TOM1L2: variants seen among roughly 807,000 people sequenced by gnomAD.
The protein encoded by TOM1L2 is TOM1-like protein 2.
TOM1L2 carries 31 observed loss-of-function variants against 67.9 expected under a neutral mutation model. The ratio of observed to expected loss-of-function variants is 0.46; its 90% CI spans 0.34 to 0.62. TOM1L2 has a LOEUF of 0.62. TOM1L2 is among the 20% of genes least tolerant of loss of function. TOM1L2 has a pLI of 0.01. For synonymous variants in TOM1L2, 256 were observed against 254.0 expected, an observed-to-expected ratio of 1.01 and a Z score of -0.07; for missense variants, 606 against 663.5, an observed-to-expected ratio of 0.91 and a Z score of 0.95.
intron 1 of TOM1L2, among the ~76,000 whole-genome samples, chr17:17,912,267 G>A: frequency 6.6e-6 from 1 of 151,972 alleles, no homozygotes; most frequent in Non-Finnish European, 1.5e-5. Context: ...GGACGGGGCG[G>A]CTGGCCGGGC....
intron 2 of TOM1L2, among the ~76,000 whole-genome samples, chr17:17,904,757 C>T (rs4925132): frequency 1.3e-5 from 2 of 152,188 alleles, no homozygotes; most frequent in Admixed American, 1.3e-4. Context: ...GTCACCCTGT[C>T]TATCCTAGAC....
intron 1 of TOM1L2, among the ~76,000 whole-genome samples, chr17:17,971,407 C>T (rs1466009304): frequency 6.6e-6 from 1 of 152,122 alleles, no homozygotes; most frequent in African/African-American, 2.4e-5. Flanking sequence ...AACACAGCCT[C>T]CCTTCTTTCC....
chr17:17,879,364 CTTT>C (rs2037594791), intron 7 of TOM1L2, among the ~76,000 whole-genome samples: 1 of 152,128 alleles, frequency 6.6e-6, no homozygotes, highest in African/African-American at 2.4e-5. Flanking sequence ...CTTTCTTTTT[CTTT>C]CTGTGAGCAT....
Position 17,884,691 on chromosome 17 carries a change from C to A in TOM1L2, c.444G>T (p.Gly148=), listed in dbSNP as rs781173638. 6 of 1,614,062 alleles carry A rather than the reference C, an allele frequency of 3.7e-6. No homozygotes were observed. In the Admixed American group the frequency reaches 1.0e-4, roughly 27 times the overall value. Residue 148 remains glycine (G), a synonymous_variant, in exon 5 of 15, where the codon GGG becomes GGT. Coordinates refer to ENST00000379504, the MANE Select transcript of TOM1L2 (RefSeq NM_001082968.2). ...CCAAGTCTGCCATGGGAAATTCAAC[C>A]CCTTTCCTCTTCAGCTCCTCATATA... ...VHIYEELKRK[G]VEFPMADLDA...
chr17:17,954,856 C>A (rs2041362661), intron 1 of TOM1L2, among the ~76,000 whole-genome samples: 1 of 152,146 alleles, frequency 6.6e-6, no homozygotes, highest in Admixed American at 6.5e-5. Context: ...ATTATGAAAA[C>A]AAACAAAAAA....
intron 1 of TOM1L2, among the ~76,000 whole-genome samples, chr17:17,920,038 C>T (rs2039792079): frequency 6.6e-6 from 1 of 152,056 alleles, no homozygotes; most frequent in African/African-American, 2.4e-5. Context: ...GTCACAGAGG[C>T]AAAGAAGACC....
chr17:17,900,257 T>C (rs369606512), intron 2 of TOM1L2, among the ~76,000 whole-genome samples: 1 of 150,432 alleles, frequency 6.6e-6, no homozygotes, highest in African/African-American at 2.5e-5. Flanking sequence ...TTATGGCTCA[T>C]TCCTGTAATC....
intron 1 of TOM1L2, among the ~76,000 whole-genome samples, chr17:17,938,536 A>T (rs1231916321): frequency 6.6e-6 from 1 of 152,158 alleles, no homozygotes; most frequent in Non-Finnish European, 1.5e-5. Flanking sequence ...CCACTAGAGA[A>T]TGGAGTGACG....
chr17:17,966,013 TGG>T (rs1193712516), intron 1 of TOM1L2, among the ~76,000 whole-genome samples: 8 of 152,082 alleles, frequency 5.3e-5, no homozygotes, highest in African/African-American at 1.9e-4. Flanking sequence ...CCCAGCTACT[TGG>T]GAGGCTGAGA....
chr17:17,916,183 C>T (rs1481992234), intron 1 of TOM1L2, among the ~76,000 whole-genome samples: 3 of 151,724 alleles, frequency 2.0e-5, no homozygotes, highest in African/African-American at 7.3e-5. Context: ...ACGCCCTTCT[C>T]CTGCCTCAGC....
At chr17:17,970,730 G>A (rs1016511718) in intron 1 of TOM1L2, among the ~76,000 whole-genome samples, 2 of 152,158 alleles carry the variant, frequency 1.3e-5, no homozygotes, top group Non-Finnish European at 2.9e-5. Flanking sequence ...TAGCCAACAG[G>A]AGAGACCTCA....
chr17:17,972,232 CCCAGCCT>C, intron 1 of TOM1L2, 23 bp downstream of exon 1: 2 of 1,548,804 alleles, frequency 1.3e-6, no homozygotes, highest in Non-Finnish European at 1.7e-6. Flanking sequence ...GCCGCCGTTG[CCCAGCCT>C]CCTGCCCCAC....
chr17:17,968,619 C>A (rs1322527759), intron 1 of TOM1L2, among the ~76,000 whole-genome samples: 1 of 149,754 alleles, frequency 6.7e-6, no homozygotes, highest in African/African-American at 2.5e-5. Flanking sequence ...GAGCTTAGAT[C>A]GTGCCACTGC....
intron 1 of TOM1L2, among the ~76,000 whole-genome samples, chr17:17,935,224 T>C (rs1303496374): frequency 6.6e-6 from 1 of 152,212 alleles, no homozygotes; most frequent in Non-Finnish European, 1.5e-5. Flanking sequence ...GCTGTTAACT[T>C]TGGGGAGGCA....
chr17:17,853,686 G>A (rs866054019), intron 12 of TOM1L2, among the ~76,000 whole-genome samples: 1 of 152,194 alleles, frequency 6.6e-6, no homozygotes, highest in Non-Finnish European at 1.5e-5. Context: ...AGTGCACTGG[G>A]TGGGGTCCAT....
intron 4 of TOM1L2, 135 bp downstream of exon 4, chr17:17,893,526 A>G: frequency 1.1e-6 from 1 of 907,328 alleles, no homozygotes. Context: ...TTTTTGAAGT[A>G]TTTTGCACCA....
At chr17:17,959,342 T>C (rs1225591027) in intron 1 of TOM1L2, among the ~76,000 whole-genome samples, 2 of 152,102 alleles carry the variant, frequency 1.3e-5, no homozygotes, top group African/African-American at 4.8e-5. Context: ...CCATTTGATA[T>C]CAGAAAAAAG....
intron 12 of TOM1L2, among the ~76,000 whole-genome samples, chr17:17,852,827 T>C (rs1247476141): frequency 7.2e-6 from 1 of 139,336 alleles, no homozygotes; most frequent in African/African-American, 2.8e-5. Context: ...ATCACGCCAT[T>C]GCACTCCACC....
At chr17:17,868,167 C>T (rs1314231802) in intron 8 of TOM1L2, among the ~76,000 whole-genome samples, 1 of 152,298 alleles carries the variant, frequency 6.6e-6, no homozygotes, top group South Asian at 2.1e-4. Context: ...AAAGGGGCCT[C>T]GGGCTGGGAG....
Sources: allele counts gnomAD v4.1 joint callset (sites outside exome capture counted in the v4.1 genomes callset), GRCh38; gene constraint gnomAD v4.1.1; transcripts MANE v1.5; gene names NCBI Gene and HGNC (gene_info 2026-07-23, HGNC 2026-07-21).